Variants in SNX29 observed in about 807,000 individuals in gnomAD.
SNX29 encodes sorting nexin 29, also known as sorting nexin-29.
Under a neutral mutation model 102.1 loss-of-function variants are expected in SNX29, and 78 were observed. The observed-to-expected ratio is 0.76, with a 90% CI of 0.64 to 0.92. The LOEUF (loss-of-function observed/expected upper bound fraction) is 0.92, where lower values mean the gene tolerates loss of function less well. SNX29 is among the 40% of genes least tolerant of loss of function. The pLI, the probability that SNX29 is intolerant of heterozygous loss-of-function variation, is 0.00. For missense variants in SNX29, 1,280 were observed against 1,061.7 expected (o/e 1.21, Z -2.86); for synonymous variants, 580 against 414.5 (o/e 1.40, Z -4.85).
rs889039071 is a variant in SNX29, at chr16:12,105,990, T to C, written c.1403-20643T>C. Among the ~76,000 whole-genome samples, 11 of 152,114 alleles carry C rather than the reference T, an allele frequency of 7.2e-5. No homozygotes were observed. The South Asian group carries it at 2.3e-3, about 32-fold the overall frequency. On this transcript the variant is annotated intron_variant, in intron 11 of 20. Transcript: ENST00000566228. ...TGCTTCCTGGAGGAGTCTGTACTAA[T>C]CCATCTTCATAAGCCTCAGCCGTGG... is the stretch of plus-strand genomic sequence containing the variant.
chr16:12,163,057 T>C (rs915683678), intron 13 of SNX29, among the ~76,000 whole-genome samples: 1 of 152,138 alleles, frequency 6.6e-6, no homozygotes, highest in Non-Finnish European at 1.5e-5. Context: ...AATTTTTGTA[T>C]TTTTAGTAGA....
chr16:11,987,642 G>T (rs1222865730), intron 1 of SNX29, among the ~76,000 whole-genome samples: 1 of 152,070 alleles, frequency 6.6e-6, no homozygotes, highest in Non-Finnish European at 1.5e-5. Context: ...TGATCTGTCT[G>T]TCTTGGCTTC....
At position 12,573,273 on chromosome 16, in the gene SNX29, C is replaced by CA. The variant is rs1256848742; in HGVS notation, c.*4645dup. 8.8e-6 allele frequency: 2 copies of CA among 227,816 alleles called. No individual in the cohort carries two copies. Among genetic ancestry groups the CA allele is most frequent in the Non-Finnish European group, 1.7e-5 (2 of 114,792 alleles). 14.1% of individuals were successfully genotyped at this position (227,816 alleles called of 1,614,324 possible). ...TCGATCAGTCATCTCTGGTATTCCT[C>CA]ACTCTAGCCATGAGCCATTGCCATC... is the stretch of plus-strand genomic sequence containing the variant. On this transcript the variant is annotated 3_prime_UTR_variant, in exon 21 of 21. Coordinates refer to ENST00000566228, the MANE Select transcript of SNX29 (RefSeq NM_032167.5).
At chr16:12,461,955 CAAAAAAAAA>C (rs1157975063) in intron 18 of SNX29, among the ~76,000 whole-genome samples, 2 of 25,496 alleles carry the variant, frequency 7.8e-5, no homozygotes, top group African/African-American at 3.0e-4. Flanking sequence ...GACTCTGTCT[CAAAAAAAAA>C]AAAAAAAAAA....
intron 15 of SNX29, among the ~76,000 whole-genome samples, chr16:12,316,485 G>T (rs2080745381): frequency 6.6e-6 from 1 of 152,200 alleles, no homozygotes; most frequent in Non-Finnish European, 1.5e-5. Flanking sequence ...GGAGGTTGCA[G>T]TGAGCCGAGA....
intron 13 of SNX29, among the ~76,000 whole-genome samples, chr16:12,167,878 C>T (rs2076053743): frequency 6.6e-6 from 1 of 152,198 alleles, no homozygotes; most frequent in African/African-American, 2.4e-5. Context: ...TGGTCCTTGG[C>T]AGCTTGCATG....
At chr16:12,090,568 C>A (rs924513404) in intron 11 of SNX29, among the ~76,000 whole-genome samples, 3 of 152,142 alleles carry the variant, frequency 2.0e-5, no homozygotes, top group Non-Finnish European at 4.4e-5. Flanking sequence ...AACCCTAGTC[C>A]CGGGGTTTAG....
intron 15 of SNX29, among the ~76,000 whole-genome samples, chr16:12,332,843 C>T (rs145048293): frequency 6.6e-6 from 1 of 152,244 alleles, no homozygotes; most frequent in Non-Finnish European, 1.5e-5. Flanking sequence ...GCTGCTGTTG[C>T]CCGCCTGCTT....
At chr16:12,536,060 C>G (rs2077069078) in intron 20 of SNX29, among the ~76,000 whole-genome samples, 1 of 152,120 alleles carries the variant, frequency 6.6e-6, no homozygotes, top group South Asian at 2.1e-4. Flanking sequence ...AGCCCTTTGT[C>G]TTCATTCATC....
chr16:12,562,945 A>C (rs2078812118), intron 20 of SNX29, among the ~76,000 whole-genome samples: 1 of 152,204 alleles, frequency 6.6e-6, no homozygotes. Context: ...CATAGTAAGA[A>C]GCAAACATTC....
intron 18 of SNX29, among the ~76,000 whole-genome samples, chr16:12,468,063 G>T (rs2087146505): frequency 6.6e-6 from 1 of 151,262 alleles, no homozygotes; most frequent in African/African-American, 2.4e-5. Flanking sequence ...AGCTGCCCCA[G>T]CCTCCTTTCA....
At chr16:12,121,079 T>G (rs1055808971) in intron 11 of SNX29, among the ~76,000 whole-genome samples, 1 of 152,242 alleles carries the variant, frequency 6.6e-6, no homozygotes, top group Non-Finnish European at 1.5e-5. Flanking sequence ...ATCAATTCAC[T>G]TACGCATCTT....
chr16:12,425,990 C>T (rs1189353929), intron 18 of SNX29, among the ~76,000 whole-genome samples: 1 of 151,950 alleles, frequency 6.6e-6, no homozygotes, highest in African/African-American at 2.4e-5. Context: ...CAGGGATAGG[C>T]CTTGGGCATT....
intron 19 of SNX29, among the ~76,000 whole-genome samples, chr16:12,504,043 C>A (rs780198690): frequency 6.6e-6 from 1 of 152,178 alleles, no homozygotes; most frequent in South Asian, 2.1e-4. Flanking sequence ...TTGGTAGTCA[C>A]CCCATCCTCT....
chr16:12,388,186 G>C (rs951765920), intron 16 of SNX29, among the ~76,000 whole-genome samples: 4 of 152,166 alleles, frequency 2.6e-5, no homozygotes, highest in African/African-American at 7.2e-5. Context: ...TGTTTCTTCT[G>C]GGGGAGACAG....
intron 15 of SNX29, among the ~76,000 whole-genome samples, chr16:12,321,240 G>A (rs1319984026): frequency 1.3e-5 from 2 of 152,072 alleles, no homozygotes; most frequent in African/African-American, 2.4e-5. Flanking sequence ...AGTTCCCCAC[G>A]CAGGGACCAA....
intron 11 of SNX29, among the ~76,000 whole-genome samples, chr16:12,097,950 A>C (rs1415463323): frequency 6.6e-6 from 1 of 152,054 alleles, no homozygotes; most frequent in Non-Finnish European, 1.5e-5. Context: ...AAGTTGGGGG[A>C]GCTGCACCGC....
chr16:12,539,360 A>C (rs2077220440), intron 20 of SNX29, among the ~76,000 whole-genome samples: 1 of 151,940 alleles, frequency 6.6e-6, no homozygotes, highest in African/African-American at 2.4e-5. Context: ...ATCATACTGT[A>C]AGCAACCTCT....
rs576105298 is a variant in SNX29, at chr16:12,570,717, A to G, written c.*2088A>G. ...CCTGCCCCCAAAGCACAGGATGTGA[A>G]TTGGTCTCTCTCCAGATACCCCACG... On this transcript the variant is annotated 3_prime_UTR_variant, in exon 21 of 21. Transcript: ENST00000566228. 5 of 231,904 alleles carry G rather than the reference A, an allele frequency of 2.2e-5. No homozygotes were observed. Among genetic ancestry groups the G allele is most frequent in the Non-Finnish European group, 3.4e-5 (4 of 117,314 alleles). The allele number at this position is 231,904 out of a possible 1,614,324, so 14.4% of individuals were successfully genotyped here.
Sources: gnomAD v4.1 joint callset for allele counts (sites outside exome capture counted in the v4.1 genomes callset) on GRCh38, gnomAD v4.1.1 for gene constraint, MANE v1.5 for transcripts, NCBI Gene and HGNC (gene_info 2026-07-23, HGNC 2026-07-21) for gene names.